The following TMC1 variants were observed in gnomAD, a reference collection of about 807,000 sequenced individuals.
TMC1 encodes the protein transmembrane channel like 1.
TMC1 carries 84 observed loss-of-function variants against 105.8 expected under a neutral mutation model. The observed-to-expected ratio is 0.79, with a 90% CI of 0.67 to 0.95. The LOEUF (loss-of-function observed/expected upper bound fraction) is 0.95. Among genes scored for constraint, TMC1 ranks in the 40% least tolerant of loss-of-function variants. The pLI, the probability that TMC1 is intolerant of heterozygous loss-of-function variation, is 0.00. For synonymous variants in TMC1, 315 were observed against 311.5 expected (o/e 1.01, Z -0.12); for missense variants, 817 against 914.1 (o/e 0.89, Z 1.37).
At chr9:72,700,100 T>C (rs1826617181) in intron 7 of TMC1, among the ~76,000 whole-genome samples, 2 of 147,516 alleles carry the variant, frequency 1.4e-5, no homozygotes, top group Non-Finnish European at 3.0e-5. Context: ...ATTAAAAATA[T>C]AAAAATTAGC....
At chr9:72,611,920 C>G (rs1023382315) in intron 2 of TMC1, among the ~76,000 whole-genome samples, 1 of 152,118 alleles carries the variant, frequency 6.6e-6, no homozygotes, top group Admixed American at 6.5e-5. Flanking sequence ...CTGTCCCGCT[C>G]TGTCCCCCAC....
chr9:72,790,563 A>G (rs769653373), intron 15 of TMC1, among the ~76,000 whole-genome samples: 7 of 152,154 alleles, frequency 4.6e-5, no homozygotes, highest in Non-Finnish European at 4.4e-5. Context: ...CATTATTTAT[A>G]TTGGTTATGT....
intron 13 of TMC1, among the ~76,000 whole-genome samples, chr9:72,780,196 C>A (rs116875853): frequency 0.091 from 13,788 of 152,194 alleles, 793 homozygotes; most frequent in Non-Finnish European, 0.14. Flanking sequence ...AAATCCTTTT[C>A]AGACATGCAA....
At chr9:72,533,711 C>G (rs1326196883) in intron 1 of TMC1, among the ~76,000 whole-genome samples, 1 of 152,194 alleles carries the variant, frequency 6.6e-6, no homozygotes, top group Non-Finnish European at 1.5e-5. Context: ...TCAGAACAAA[C>G]TGGACCAAAG....
intron 5 of TMC1, chr9:72,651,743 A>AATTTTT (rs1312164005): frequency 6.6e-6 from 1 of 152,126 alleles, no homozygotes; most frequent in Admixed American, 6.5e-5. Context: ...GTAGAAGGGA[A>AATTTTT]ATTTTTATTT....
chr9:72,615,021 A>G (rs1258919462), intron 2 of TMC1, among the ~76,000 whole-genome samples: 1 of 152,170 alleles, frequency 6.6e-6, no homozygotes, highest in Non-Finnish European at 1.5e-5. Flanking sequence ...TTGAAATATC[A>G]TTTTAGGATA....
At position 72,626,056 on chromosome 9, in the gene TMC1, A is replaced by T. The variant is rs116634819; in HGVS notation, c.-195-1865A>T. ...GCATAGAGTGATTGTATACCTATAT[A>T]TAAGAGAGATGGTTTGGAGTTCAAG... is the stretch of plus-strand genomic sequence containing the variant. On this transcript the variant is annotated intron_variant, in intron 3 of 23. Coordinates refer to ENST00000297784, the MANE Select transcript of TMC1 (RefSeq NM_138691.3). Among the ~76,000 whole-genome samples the T allele has an allele frequency of 5.9e-3, 897 of 152,298 alleles. 15 individuals are homozygous for T. Among genetic ancestry groups the T allele is most frequent in the African/African-American group, 0.02 (836 of 41,554 alleles).
chr9:72,577,545 C>CCTGATTCTGTAG (rs377693842), intron 1 of TMC1, among the ~76,000 whole-genome samples: 1,622 of 152,316 alleles, frequency 0.011, 33 homozygotes, highest in African/African-American at 0.036. Context: ...TCTGTAGCAG[C>CCTGATTCTGTAG]CTGATTGAGA....
chr9:72,540,489 T>C (rs1467763565), intron 1 of TMC1, among the ~76,000 whole-genome samples: 3 of 132,838 alleles, frequency 2.3e-5, no homozygotes, highest in African/African-American at 9.4e-5. Context: ...TCTTTGACTT[T>C]CCTCGTTCTG....
At chr9:72,570,229 T>TGTGTGTGTGTG (rs756068731) in intron 1 of TMC1, among the ~76,000 whole-genome samples, 19 of 87,610 alleles carry the variant, frequency 2.2e-4, no homozygotes, top group African/African-American at 1.1e-3. Flanking sequence ...GCTCAAAGAG[T>TGTGTGTGTGTG]AGTGTGTGTG....
intron 2 of TMC1, among the ~76,000 whole-genome samples, chr9:72,587,681 A>C (rs186753224): frequency 2.6e-5 from 4 of 152,334 alleles, no homozygotes; most frequent in African/African-American, 9.6e-5. Context: ...GCTTCTGCCC[A>C]GAATTGACAT....
chr9:72,815,565 A>G (rs183269717), intron 18 of TMC1, among the ~76,000 whole-genome samples: 2 of 152,318 alleles, frequency 1.3e-5, no homozygotes, highest in African/African-American at 2.4e-5. Context: ...ATAGTTTCAT[A>G]TAGTTGATTA....
intron 8 of TMC1, among the ~76,000 whole-genome samples, chr9:72,720,922 C>T (rs192611013): frequency 6.6e-6 from 1 of 152,306 alleles, no homozygotes; most frequent in Admixed American, 6.5e-5. Context: ...GCCTATGCAT[C>T]ATATGTACAT....
In TMC1 at chr9:72,616,933, T is replaced by C. The variant is rs143593907; in HGVS notation, c.-196+456T>C. 3.3e-5 allele frequency among the ~76,000 whole-genome samples: 5 copies of C among 152,240 alleles called. No individual in the cohort carries two copies. The East Asian group carries it at 9.7e-4, about 29-fold the overall frequency. ...ATTTGAATGTTGTTTCCTTTGTAGGTCTGCTTGCTTTGACTTTGTAAAATT... is the reference window on the plus strand; with the variant it reads ...ATTTGAATGTTGTTTCCTTTGTAGGCCTGCTTGCTTTGACTTTGTAAAATT... On this transcript the variant is annotated intron_variant, in intron 3 of 23. Coordinates refer to ENST00000297784, the MANE Select transcript of TMC1 (RefSeq NM_138691.3).
intron 8 of TMC1, among the ~76,000 whole-genome samples, chr9:72,718,135 G>C (rs1163247230): frequency 6.6e-6 from 1 of 151,454 alleles, no homozygotes; most frequent in Non-Finnish European, 1.5e-5. Flanking sequence ...TCCTTAAGTT[G>C]GACTTCACCT....
intron 1 of TMC1, among the ~76,000 whole-genome samples, chr9:72,556,879 C>G (rs537731983): frequency 6.6e-6 from 1 of 151,998 alleles, no homozygotes; most frequent in African/African-American, 2.4e-5. Context: ...GGCAATTTCA[C>G]CTCCAAGGGG....
intron 8 of TMC1, among the ~76,000 whole-genome samples, chr9:72,731,551 T>C (rs1827212244): frequency 6.6e-6 from 1 of 152,246 alleles, no homozygotes; most frequent in African/African-American, 2.4e-5. Flanking sequence ...TCTCATCTTA[T>C]GTTTTCTCTA....
rs1381062033 is a variant in TMC1, at chr9:72,754,810, A to AAACG, written c.667_668insAACG (p.Ser223LysfsTer5). 13 of 1,614,096 alleles carry AAACG rather than the reference A, an allele frequency of 8.1e-6. No individual in the cohort carries two copies. Among genetic ancestry groups the AAACG allele is most frequent in the Non-Finnish European group, 1.0e-5 (12 of 1,179,952 alleles). On this transcript the variant is annotated frameshift_variant, in exon 12 of 24. Transcript: ENST00000297784. LOFTEE classifies it high-confidence loss of function. Reference sequence around the variant, plus strand: ...GTACCTCTGGGGTTTGCCATATGGCAGTTTACCTAGGAAAACCGTTCCCAG... The same window carrying AAACG: ...GTACCTCTGGGGTTTGCCATATGGCAAACGGTTTACCTAGGAAAACCGTTCCCAG...
At chr9:72,650,383 G>C (rs1389984429) in intron 5 of TMC1, among the ~76,000 whole-genome samples, 1 of 152,136 alleles carries the variant, frequency 6.6e-6, no homozygotes, top group Non-Finnish European at 1.5e-5. Flanking sequence ...TTATGTGCCA[G>C]GTTCTGTACA....
Sources: gnomAD v4.1 joint callset for allele counts (sites outside exome capture counted in the v4.1 genomes callset) on GRCh38, gnomAD v4.1.1 for gene constraint, MANE v1.5 for transcripts, NCBI Gene and HGNC (gene_info 2026-07-23, HGNC 2026-07-21) for gene names.